The following ATP2B2 variants were observed in gnomAD, a reference collection of about 807,000 sequenced individuals.
ATP2B2 encodes ATPase plasma membrane Ca2+ transporting 2.
ATP2B2 carries 15 observed loss-of-function variants against 120.0 expected under a neutral mutation model. The ratio of observed to expected loss-of-function variants is 0.12; its 90% CI spans 0.08 to 0.19. The LOEUF (loss-of-function observed/expected upper bound fraction) is 0.19. Ranked by LOEUF, ATP2B2 falls within the 10% of genes least tolerant of loss-of-function variation. The pLI is 1.00. For synonymous variants in ATP2B2, 694 were observed against 700.3 expected (o/e 0.99, Z 0.14); for missense variants, 1,045 against 1,719.8 (o/e 0.61, Z 6.94).
chr3:10,478,728 C>T (rs2065292526), intron 1 of ATP2B2, among the ~76,000 whole-genome samples: 1 of 152,212 alleles, frequency 6.6e-6, no homozygotes, highest in African/African-American at 2.4e-5. Flanking sequence ...AATTTCCCTG[C>T]ACAGCCCATG....
chr3:10,345,360 T>C (rs1693146474), intron 18 of ATP2B2, 24 bp downstream of exon 18: 2 of 1,613,600 alleles, frequency 1.2e-6, no homozygotes, highest in Non-Finnish European at 1.7e-6. Context: ...CCCCAGGCTT[T>C]GGTGTGGTCT....
intron 1 of ATP2B2, chr3:10,626,020 C>A (rs747428559): frequency 2.0e-5 from 3 of 149,694 alleles, no homozygotes; most frequent in Non-Finnish European, 4.4e-5. Context: ...TAAAGTTTCA[C>A]TCTAAAATAA....
At chr3:10,666,217 G>A (rs1441625551) in intron 1 of ATP2B2, among the ~76,000 whole-genome samples, 1 of 152,128 alleles carries the variant, frequency 6.6e-6, no homozygotes, top group East Asian at 1.9e-4. Context: ...TGGCCCTACA[G>A]CTCCCTGCTA....
At chr3:10,352,708 G>A (rs1275164578) in intron 14 of ATP2B2, among the ~76,000 whole-genome samples, 1 of 152,236 alleles carries the variant, frequency 6.6e-6, no homozygotes, top group Non-Finnish European at 1.5e-5. Flanking sequence ...TACAGGGCTG[G>A]AGGGAGTGGG....
At chr3:10,493,247 G>C (rs1394954596) in intron 1 of ATP2B2, among the ~76,000 whole-genome samples, 3 of 152,140 alleles carry the variant, frequency 2.0e-5, no homozygotes, top group Non-Finnish European at 4.4e-5. Context: ...GGGAATATAG[G>C]TGAGGGGGTG....
intron 1 of ATP2B2, among the ~76,000 whole-genome samples, chr3:10,458,751 C>T (rs1480329699): frequency 6.6e-6 from 1 of 152,218 alleles, no homozygotes; most frequent in African/African-American, 2.4e-5. Flanking sequence ...GTGTTGCTGT[C>T]CCCACTTTAT....
chr3:10,495,162 C>T (rs552591653), intron 1 of ATP2B2, among the ~76,000 whole-genome samples: 4 of 152,326 alleles, frequency 2.6e-5, no homozygotes, highest in African/African-American at 7.2e-5. Context: ...AACTTGTCCC[C>T]GTGGGCAGTT....
chr3:10,625,817 G>A (rs2069682974), intron 1 of ATP2B2, among the ~76,000 whole-genome samples: 1 of 152,204 alleles, frequency 6.6e-6, no homozygotes, highest in Non-Finnish European at 1.5e-5. Context: ...TGCGCGTATT[G>A]TATGTTTAAC....
intron 14 of ATP2B2, among the ~76,000 whole-genome samples, chr3:10,356,699 C>T (rs2060741424): frequency 6.6e-6 from 1 of 152,128 alleles, no homozygotes; most frequent in Non-Finnish European, 1.5e-5. Flanking sequence ...GCAGGCCAGC[C>T]TCAAGTGCTG....
intron 1 of ATP2B2, among the ~76,000 whole-genome samples, chr3:10,493,582 T>A (rs1163496910): frequency 6.6e-6 from 1 of 152,120 alleles, no homozygotes; most frequent in African/African-American, 2.4e-5. Flanking sequence ...CTATCTGATA[T>A]ATATTCTTAA....
At chr3:10,500,918 C>T (rs1199837851) in intron 1 of ATP2B2, among the ~76,000 whole-genome samples, 1 of 152,206 alleles carries the variant, frequency 6.6e-6, no homozygotes, top group African/African-American at 2.4e-5. Context: ...AGAAGCTGCC[C>T]TCACCAAGGA....
intron 2 of ATP2B2, among the ~76,000 whole-genome samples, chr3:10,446,991 A>G (rs535846541): frequency 5.9e-5 from 9 of 152,346 alleles, no homozygotes; most frequent in Admixed American, 4.6e-4. Context: ...GCCATACTAC[A>G]TGCTTTCCCT....
intron 1 of ATP2B2, among the ~76,000 whole-genome samples, chr3:10,672,284 G>A (rs1256047730): frequency 6.6e-6 from 1 of 152,238 alleles, no homozygotes. Context: ...GAATACACCT[G>A]TGGGTTCAGA....
At position 10,340,062 on chromosome 3, in the gene ATP2B2, C is replaced by T. The variant is rs554962298; in HGVS notation, c.3237+180G>A. Among the ~76,000 whole-genome samples the T allele has an allele frequency of 5.8e-4, 88 of 152,306 alleles. No homozygotes were observed. Among genetic ancestry groups the T allele is most frequent in the African/African-American group, 2.1e-3 (86 of 41,574 alleles). ...GATAGATATAAGGCAAAAATCAGAGCAGTAGTACCCAGACGACCAGTATAG... is the reference window on the plus strand; with the variant it reads ...GATAGATATAAGGCAAAAATCAGAGTAGTAGTACCCAGACGACCAGTATAG... On this transcript the variant is annotated intron_variant, in intron 21 of 22. Transcript: ENST00000360273. The surrounding 1 kb of genome is among the most constrained non-coding windows in gnomAD (Gnocchi z 5.0).
At chr3:10,365,837 AT>A (rs2061036193) in intron 12 of ATP2B2, among the ~76,000 whole-genome samples, 2 of 151,680 alleles carry the variant, frequency 1.3e-5, no homozygotes, top group Non-Finnish European at 2.9e-5. Flanking sequence ...TTGTATGTGC[AT>A]GATGGGTGGT....
chr3:10,562,650 T>C (rs1210068191), intron 2 of ATP2B2, among the ~76,000 whole-genome samples: 1 of 152,226 alleles, frequency 6.6e-6, no homozygotes, highest in African/African-American at 2.4e-5. Context: ...TCAGGAGGAC[T>C]AGGAATTTTT....
chr3:10,409,371 A>C (rs1222382894), intron 3 of ATP2B2, among the ~76,000 whole-genome samples: 1 of 151,920 alleles, frequency 6.6e-6, no homozygotes, highest in East Asian at 1.9e-4. Context: ...TTTCATTTTA[A>C]AATTTTTGTT....
chr3:10,432,423 G>C (rs1265936384), intron 2 of ATP2B2, among the ~76,000 whole-genome samples: 1 of 152,238 alleles, frequency 6.6e-6, no homozygotes, highest in African/African-American at 2.4e-5. Flanking sequence ...GCAGGTATGG[G>C]AGTGGGGGTG....
intron 2 of ATP2B2, among the ~76,000 whole-genome samples, chr3:10,583,349 C>A (rs1280817459): frequency 1.3e-5 from 2 of 152,188 alleles, no homozygotes; most frequent in African/African-American, 4.8e-5. Flanking sequence ...TTCAGTACTT[C>A]CCCAACTCCC....
Sources: gnomAD v4.1 joint callset for allele counts (sites outside exome capture counted in the v4.1 genomes callset) on GRCh38, gnomAD v4.1.1 for gene constraint, Gnocchi (gnomAD v3.1) non-coding constraint, MANE v1.5 for transcripts, NCBI Gene and HGNC (gene_info 2026-07-23, HGNC 2026-07-21) for gene names.